NDUFA1: variants seen among roughly 807,000 people sequenced by gnomAD.
NDUFA1 encodes NADH dehydrogenase [ubiquinone] 1 alpha subcomplex subunit 1.
For synonymous variants in NDUFA1, 21 were observed against 20.0 expected (o/e 1.05, Z -0.14); for missense variants, 42 against 56.0 (o/e 0.75, Z 0.80).
At chrX:119,872,115 C>T (rs2056415499) in intron 1 of NDUFA1, 102 bp downstream of exon 1, 2 of 833,705 alleles carry the variant, frequency 2.4e-6, no homozygotes, top group South Asian at 4.1e-5. Context: ...CCGAGGTCGG[C>T]CCTCTACTTG....
chrX:119,873,309 A>G lies in NDUFA1; in HGVS notation c.108A>G (p.Lys36=). ...IHRFTNGGKE[K]RVAHFGYHWS... is the part of the protein sequence containing the mutation. ...TAATTGTCTCTTATTTGAAGGAAAA[A>G]AGGGTTGCTCATTTTGGGTATCACT... Residue 36 remains lysine, a synonymous_variant, in exon 2 of 3, where the codon AAA becomes AAG. Coordinates refer to ENST00000371437, the MANE Select transcript of NDUFA1 (RefSeq NM_004541.4). 2.5e-6 allele frequency: 3 copies of G among 1,207,596 alleles called. No homozygotes were observed. Among genetic ancestry groups the G allele is most frequent in the Non-Finnish European group, 3.4e-6 (3 of 892,112 alleles).
At chrX:119,872,692 T>TC (rs2056419609) in intron 1 of NDUFA1, among the ~76,000 whole-genome samples, 1 of 108,174 alleles carries the variant, frequency 9.2e-6, no homozygotes, top group Non-Finnish European at 1.9e-5. Context: ...TGGCTTTTTT[T>TC]TTTTTTTTGT....
chrX:119,872,974 T>C (rs2056421571), intron 1 of NDUFA1, among the ~76,000 whole-genome samples: 2 of 110,055 alleles, frequency 1.8e-5, no homozygotes, highest in African/African-American at 6.6e-5. Context: ...TTTTTGATTT[T>C]GTTATTGTTC....
intron 1 of NDUFA1, among the ~76,000 whole-genome samples, chrX:119,872,617 CA>C (rs1304678214): frequency 2.9e-5 from 3 of 102,266 alleles, no homozygotes; most frequent in Admixed American, 1.1e-4. Context: ...AACTCCGTCT[CA>C]AAAAAAAATA....
At chrX:119,876,186 C>T (rs1270198422) in intron 2 of NDUFA1, among the ~76,000 whole-genome samples, 3 of 90,122 alleles carry the variant, frequency 3.3e-5, no homozygotes, top group African/African-American at 4.3e-5. Flanking sequence ...GCCTGCATGA[C>T]GGGAGTGAGA....
At chrX:119,872,246 C>CG (rs2056416287) in intron 1 of NDUFA1, among the ~76,000 whole-genome samples, 1 of 111,812 alleles carries the variant, frequency 8.9e-6, no homozygotes, top group East Asian at 2.8e-4. Flanking sequence ...AGTAGCGACG[C>CG]GGGGGCCGGG....
At chrX:119,875,941 A>G (rs981509679) in intron 2 of NDUFA1, among the ~76,000 whole-genome samples, 1 of 111,499 alleles carries the variant, frequency 9.0e-6, no homozygotes, top group African/African-American at 3.3e-5. Context: ...ATAGTGGCTC[A>G]CACCTGTAAT....
chrX:119,875,388 G>T (rs1431537798), intron 2 of NDUFA1, among the ~76,000 whole-genome samples: 1 of 90,759 alleles, frequency 1.1e-5, no homozygotes, highest in African/African-American at 4.2e-5. Flanking sequence ...GCAGTGGAAT[G>T]ATCTTGGCTC....
At chrX:119,875,613 T>G (rs964393894) in intron 2 of NDUFA1, among the ~76,000 whole-genome samples, 2 of 110,509 alleles carry the variant, frequency 1.8e-5, no homozygotes, top group African/African-American at 6.6e-5. Context: ...CCAGGTGTAA[T>G]CTTTTAATTT....
In NDUFA1 at chrX:119,872,001, T is replaced by C. The variant is rs917754201; in HGVS notation, c.90T>C (p.Thr30=). ...CTACTGCGTACATCCACAGGTTCAC[T>C]AACGGGGGCAAGGTAAGCCGGCTTC... ...GLATAYIHRF[T]NGGKEKRVAH... Residue 30 remains threonine (T), a synonymous_variant, in exon 1 of 3, where the codon ACT becomes ACC. Coordinates refer to ENST00000371437, the MANE Select transcript of NDUFA1 (RefSeq NM_004541.4). The C allele has an allele frequency of 1.7e-5, 21 of 1,211,444 alleles. No individual in the cohort carries two copies. Among genetic ancestry groups the C allele is most frequent in the Non-Finnish European group, 2.2e-5 (20 of 894,870 alleles).
At chrX:119,875,978 G>A (rs766558087) in intron 2 of NDUFA1, among the ~76,000 whole-genome samples, 1 of 110,969 alleles carries the variant, frequency 9.0e-6, no homozygotes, top group Non-Finnish European at 1.9e-5. Flanking sequence ...GCCGAGGCAG[G>A]TGGATCCCCT....
intron 1 of NDUFA1, 40 bp from the exon 2 acceptor site, chrX:119,873,264 A>C: frequency 9.3e-7 from 1 of 1,074,574 alleles, no homozygotes; most frequent in Non-Finnish European, 1.3e-6. Flanking sequence ...TGGGTCACTC[A>C]CTTTTATAAA....
intron 2 of NDUFA1, among the ~76,000 whole-genome samples, chrX:119,875,315 G>GTTTTTTTT (rs1244653642): frequency 1.2e-5 from 1 of 86,534 alleles, no homozygotes; most frequent in African/African-American, 5.0e-5. Flanking sequence ...TCACTGATGA[G>GTTTTTTTT]TCTTTTTTTT....
chrX:119,875,317 CT>C (rs61235666), intron 2 of NDUFA1, among the ~76,000 whole-genome samples: 1,033 of 59,528 alleles, frequency 0.017, 11 homozygotes, highest in African/African-American at 0.067. Flanking sequence ...ACTGATGAGT[CT>C]TTTTTTTTTT....
intron 1 of NDUFA1, 120 bp from the exon 2 acceptor site, chrX:119,873,184 T>C: frequency 1.8e-6 from 1 of 562,085 alleles, no homozygotes; most frequent in Admixed American, 2.5e-5. Context: ...ACTACTAATT[T>C]GCATTTTTAT....
intron 1 of NDUFA1, 93 bp downstream of exon 1, chrX:119,872,106 C>A: frequency 1.1e-6 from 1 of 906,714 alleles, no homozygotes; most frequent in Non-Finnish European, 1.6e-6. Flanking sequence ...ACCCTCTCTC[C>A]GAGGTCGGCC....
At chrX:119,874,148 G>A (rs2056427161) in intron 2 of NDUFA1, among the ~76,000 whole-genome samples, 1 of 109,949 alleles carries the variant, frequency 9.1e-6, no homozygotes, top group African/African-American at 3.3e-5. Context: ...CCCATTTATA[G>A]AAGAGTTTAG....
At chrX:119,876,139 A>C (rs1022328049) in intron 2 of NDUFA1, among the ~76,000 whole-genome samples, 2 of 106,718 alleles carry the variant, frequency 1.9e-5, no homozygotes, top group Non-Finnish European at 3.8e-5. Flanking sequence ...TGGGAGATGC[A>C]GGTTGCAGTG....
At chrX:119,875,599 C>T (rs1430359600) in intron 2 of NDUFA1, among the ~76,000 whole-genome samples, 2 of 110,360 alleles carry the variant, frequency 1.8e-5, no homozygotes, top group Non-Finnish European at 3.8e-5. Context: ...CGTGAGCCAC[C>T]ACGCCAGGTG....
Sources: gnomAD v4.1 joint callset for allele counts (sites outside exome capture counted in the v4.1 genomes callset) on GRCh38, gnomAD v4.1.1 for gene constraint, MANE v1.5 for transcripts, NCBI Gene and HGNC (gene_info 2026-07-23, HGNC 2026-07-21) for gene names.